Variants in ERAP1 observed in about 807,000 individuals in gnomAD.
The protein encoded by ERAP1 is adipocyte-derived leucine aminopeptidase.
ERAP1 carries 86 observed loss-of-function variants against 103.7 expected under a neutral mutation model. The observed-to-expected ratio is 0.83, with a 90% CI of 0.70 to 0.99. ERAP1 has a LOEUF of 0.99. ERAP1 is among the 50% of genes least tolerant of loss of function. The pLI is 0.00. For missense variants in ERAP1, 1,009 were observed against 1,128.4 expected (o/e 0.89, Z 1.52); for synonymous variants, 398 against 402.4 (o/e 0.99, Z 0.13).
chr5:96,819,383 C>T, the ERAP1 span, among the ~76,000 whole-genome samples: 2 of 152,270 alleles, frequency 1.3e-5, no homozygotes, highest in Non-Finnish European at 2.9e-5. Flanking sequence ...CAATCATCAG[C>T]GGTGTAGACT....
chr5:96,780,628 G>T (rs1775033035), intron 17 of ERAP1, 124 bp from the exon 18 acceptor site: 2 of 768,820 alleles, frequency 2.6e-6, no homozygotes, highest in South Asian at 1.5e-5. Context: ...TACAAAATAT[G>T]ATGTCTATCC....
chr5:96,780,981 T>C, intron 17 of ERAP1, 77 bp downstream of exon 17: 1 of 1,556,300 alleles, frequency 6.4e-7, no homozygotes, highest in Non-Finnish European at 8.9e-7. Flanking sequence ...GTTACTGTTC[T>C]TTTACAAACA....
At chr5:96,908,872 T>G in the ERAP1 span, 1 of 1,329,276 alleles carries the variant, frequency 7.5e-7, no homozygotes, top group Non-Finnish European at 1.0e-6. Flanking sequence ...ACTTCTGTTA[T>G]TGTTCTCTAT....
chr5:96,894,571 T>C, the ERAP1 span, among the ~76,000 whole-genome samples: 1 of 152,214 alleles, frequency 6.6e-6, no homozygotes, highest in Non-Finnish European at 1.5e-5. Context: ...AGAATAGTAA[T>C]ATTTAAAATG....
chr5:96,921,295 A>G, the ERAP1 span, among the ~76,000 whole-genome samples: 3 of 152,270 alleles, frequency 2.0e-5, no homozygotes, highest in African/African-American at 7.2e-5. Context: ...TCATCAATGC[A>G]TTAAAATAAT....
rs1373978544 is a variant in ERAP1, at chr5:96,775,891, T to C, written c.*505A>G. Reference sequence around the variant, plus strand: ...CAAGAAAGCTTGATGACTTGGCCTTTACAAGTCAGCCCCTGGGCATGGAGC... The same window carrying C: ...CAAGAAAGCTTGATGACTTGGCCTTCACAAGTCAGCCCCTGGGCATGGAGC... On this transcript the variant is annotated 3_prime_UTR_variant, in exon 19 of 19. Coordinates refer to ENST00000443439, the MANE Select transcript of ERAP1 (RefSeq NM_001040458.3). 2.0e-5 allele frequency: 19 copies of C among 927,088 alleles called. No homozygotes were observed. The highest frequency in any genetic ancestry group is 2.3e-5 in the Non-Finnish European group (18 of 773,012). 57.4% of individuals were successfully genotyped at this position (927,088 alleles called of 1,614,324 possible).
At chr5:96,806,674 G>A (rs1778640654) in intron 1 of ERAP1, among the ~76,000 whole-genome samples, 1 of 136,944 alleles carries the variant, frequency 7.3e-6, no homozygotes, top group Admixed American at 8.2e-5. Context: ...CTGTCTCCCA[G>A]GCTGGAGTGC....
At chr5:96,868,086 A>AAAAC in the ERAP1 span, among the ~76,000 whole-genome samples, 13 of 152,266 alleles carry the variant, frequency 8.5e-5, no homozygotes, top group African/African-American at 3.1e-4. Flanking sequence ...AAAAAAAAGA[A>AAAAC]AAACAAACAA....
rs1413856912 is a variant in ERAP1, at chr5:96,781,199, C to T, written c.2448-1G>A. The T allele has an allele frequency of 1.2e-6, 2 of 1,610,832 alleles. No individual in the cohort carries two copies. ...TCCCTTAAAGCTTTCATCTAGTAGC[C>T]TAGAAGGATTAAGAAAAGAAATGTT... On this transcript the variant is annotated splice_acceptor_variant, in intron 16 of 18. Transcript: ENST00000443439. LOFTEE classifies it high-confidence loss of function.
rs1202920471 is a variant in ERAP1, at chr5:96,781,703, T to C, written c.2437A>G (p.Lys813Glu). The change falls in exon 16 of 19, where the codon AAG becomes GAG. Residue 813 changes from lysine (K) to glutamate (E), a missense_variant. Lys to Glu is a moderately conservative substitution (Grantham distance 56). This residue lies in a region of ERAP1 where 611 missense variants were observed against 651.7 expected (regional missense o/e 0.94). Coordinates refer to ENST00000443439, the MANE Select transcript of ERAP1 (RefSeq NM_001040458.3). Reference protein sequence around the residue: ...FALCRTQNKEKLQWLLDESFK... With the variant: ...FALCRTQNKEELQWLLDESFK... ...GAATGACGGACTCACCATTGAAGCT[T>C]TTCCTTATTTTGGGTTCTGCAGAGG... The C allele has an allele frequency of 5.6e-6, 9 of 1,614,060 alleles. No homozygotes were observed. The Middle Eastern group carries it at 4.9e-4, about 88-fold the overall frequency.
At chr5:96,799,549 C>T (rs1401613496) in intron 3 of ERAP1, among the ~76,000 whole-genome samples, 1 of 152,170 alleles carries the variant, frequency 6.6e-6, no homozygotes, top group Non-Finnish European at 1.5e-5. Flanking sequence ...CTCCAGGCCT[C>T]CCTTCTGAAA....
At chr5:96,882,174 A>G in the ERAP1 span, among the ~76,000 whole-genome samples, 1 of 152,186 alleles carries the variant, frequency 6.6e-6, no homozygotes, top group South Asian at 2.1e-4. Context: ...TCAGCACAGT[A>G]TTGGATAGGA....
chr5:96,832,371 A>G, the ERAP1 span, among the ~76,000 whole-genome samples: 1 of 152,220 alleles, frequency 6.6e-6, no homozygotes, highest in Admixed American at 6.5e-5. Flanking sequence ...AATGTTATTA[A>G]ATCAATGGGT....
chr5:96,912,604 A>G, the ERAP1 span: 3 of 1,565,142 alleles, frequency 1.9e-6, no homozygotes, highest in Non-Finnish European at 1.7e-6. Context: ...CTTTCATAAA[A>G]CTTTTTCTTC....
the ERAP1 span, among the ~76,000 whole-genome samples, chr5:96,928,181 G>GCCT: frequency 6.6e-6 from 1 of 152,060 alleles, no homozygotes; most frequent in African/African-American, 2.4e-5. Flanking sequence ...GAACCACCAC[G>GCCT]CCTGGCTATC....
chr5:96,807,182 A>G (rs1172564011), intron 1 of ERAP1, among the ~76,000 whole-genome samples: 1 of 152,168 alleles, frequency 6.6e-6, no homozygotes, highest in African/African-American at 2.4e-5. Context: ...CAGATAGGAA[A>G]CTTTTAATTT....
At chr5:96,899,778 C>T in the ERAP1 span, among the ~76,000 whole-genome samples, 1 of 152,088 alleles carries the variant, frequency 6.6e-6, no homozygotes. Context: ...GCATACATAA[C>T]ATGCAGCATG....
At chr5:96,923,276 T>C in the ERAP1 span, among the ~76,000 whole-genome samples, 2 of 152,136 alleles carry the variant, frequency 1.3e-5, no homozygotes, top group African/African-American at 4.8e-5. Context: ...GTCCTGGCTG[T>C]TTGGATTTTA....
At chr5:96,771,944 T>C (rs931833604), downstream of ERAP1, 6 of 326,802 alleles carry the variant, frequency 1.8e-5, no homozygotes, top group Non-Finnish European at 3.4e-5. Flanking sequence ...TTTAAAAATA[T>C]TAGGCCAGGC....
Sources: gnomAD v4.1 joint callset for allele counts (sites outside exome capture counted in the v4.1 genomes callset) on GRCh38, gnomAD v4.1.1 for gene constraint, gnomAD v4.1.1 regional missense constraint, MANE v1.5 for transcripts, NCBI Gene and HGNC (gene_info 2026-07-23, HGNC 2026-07-21) for gene names.